HERC2: variants seen among roughly 807,000 people sequenced by gnomAD.
The protein encoded by HERC2 is HECT and RLD domain containing E3 ubiquitin protein ligase 2, also known as E3 ubiquitin-protein ligase HERC2.
A neutral mutation model predicts 537.7 loss-of-function variants in HERC2; 102 were observed. That is an observed-to-expected ratio of 0.19 (90% confidence interval 0.16 to 0.22). HERC2 has a LOEUF of 0.22. Among genes scored for constraint, HERC2 ranks in the 10% least tolerant of loss-of-function variants. The pLI, the probability that HERC2 is intolerant of heterozygous loss-of-function variation, is 1.00. For synonymous variants in HERC2, 2,224 were observed against 2,466.2 expected, an observed-to-expected ratio of 0.90 and a Z score of 2.91; for missense variants, 4,236 against 6,198.2, an observed-to-expected ratio of 0.68 and a Z score of 10.63.
chr15:28,248,273 C>G (rs1018028882), intron 21 of HERC2, among the ~76,000 whole-genome samples: 14 of 152,182 alleles, frequency 9.2e-5, no homozygotes, highest in Non-Finnish European at 1.0e-4. Flanking sequence ...GCACATGGAA[C>G]AAATCTGATA....
intron 73 of HERC2, 29 bp from the exon 74 acceptor site, chr15:28,144,020 A>G: frequency 6.2e-7 from 1 of 1,614,162 alleles, no homozygotes; most frequent in Non-Finnish European, 8.5e-7. Flanking sequence ...AAGTATCAGA[A>G]GTCTGATGGT....
chr15:28,141,317 T>G, intron 78 of HERC2, 115 bp downstream of exon 78: 2 of 785,550 alleles, frequency 2.5e-6, no homozygotes, highest in Non-Finnish European at 4.3e-6. Context: ...ACAGTATCAT[T>G]AATCCTGAGA....
In HERC2 at chr15:28,220,572, C is replaced by G. The variant is rs756439553; in HGVS notation, c.5725G>C (p.Asp1909His). ...GEDGWIRVQW[D>H]TGSTNSYRMG... ...CTGTAGGAGTTGGTGCTGCCTGTGT[C>G]CCACTGGACTCTTATCCATCCGTCC... Residue 1909 changes from aspartate to histidine, a missense_variant, in exon 37 of 93, where the codon GAC becomes CAC. By Grantham distance (81) the Asp-to-His change is moderately conservative. Coordinates refer to ENST00000261609, the MANE Select transcript of HERC2 (RefSeq NM_004667.6). 6.2e-6 allele frequency: 10 copies of G among 1,602,050 alleles called. No individual in the cohort carries two copies. In the South Asian group the frequency reaches 1.1e-4, roughly 18 times the overall value.
intron 20 of HERC2, among the ~76,000 whole-genome samples, chr15:28,252,281 T>G (rs1333923333): frequency 2.6e-5 from 4 of 151,864 alleles, no homozygotes; most frequent in Admixed American, 2.6e-4. Flanking sequence ...CAGGCCAGTC[T>G]CGGTGCACGG....
rs1347555324 is a variant in HERC2, at chr15:28,111,701, C to T, written c.*62G>A. On this transcript the variant is annotated 3_prime_UTR_variant, in exon 93 of 93. Transcript: ENST00000261609. ...GACACACCAGGCAGCCTACAGTCTA[C>T]ACAGCAGCGAGCGCTCTGCTGCCTG... is the stretch of plus-strand genomic sequence containing the variant. The T allele has an allele frequency of 2.6e-6, 4 of 1,560,732 alleles. No homozygotes were observed. Among genetic ancestry groups the T allele is most frequent in the South Asian group, 1.2e-5 (1 of 84,976 alleles).
In HERC2 at chr15:28,229,427, C is replaced by A. The variant is rs1276129089; in HGVS notation, c.5120+33G>T. The A allele has an allele frequency of 5.6e-6, 9 of 1,613,520 alleles. No homozygotes were observed. In the Admixed American group the frequency reaches 1.5e-4, roughly 27 times the overall value. ...AACAACATTTTGTTGCCATAGCTAC[C>A]TTAATTAAGAAAAAAATATGCTAAC... On this transcript the variant is annotated intron_variant, in intron 33 of 92. Transcript: ENST00000261609.
rs767979180 is a variant in HERC2 at position 28,169,612 on chromosome 15, T to G, written c.10101A>C (p.Ile3367=). Residue 3367 remains isoleucine (I), a synonymous_variant, in exon 66 of 93, where the codon ATA becomes ATC. Transcript: ENST00000261609. ...DADSSAASNK[I]SGASNSKPNR... ...TTGGCTTAGAATTACTTGCACCACT[T>G]ATTTTATTACTGGCAGCAGAAGAAT... 1 of 1,613,846 alleles carries G rather than the reference T, an allele frequency of 6.2e-7. No homozygotes were observed.
chr15:28,220,099 C>A (rs923945051), intron 37 of HERC2, among the ~76,000 whole-genome samples: 3 of 152,326 alleles, frequency 2.0e-5, no homozygotes, highest in Admixed American at 1.3e-4. Flanking sequence ...CAGGGCAATT[C>A]CACCAGGCCT....
Position 28,257,244 on chromosome 15 carries a change from T to C in HERC2, c.2334A>G (p.Ser778=), listed in dbSNP as rs61754659. The C allele has an allele frequency of 5.4e-4, 868 of 1,613,786 alleles. 1 individual carries two copies. The highest frequency in any genetic ancestry group is 6.8e-4 in the Non-Finnish European group (798 of 1,179,770). ...GGAGGCCAATGGACCACTCAGAACA[T>C]GATGACCAAGCAAAGCTCTAAGAGG... ...CGPAQSFAWS[S]CSEWSIGLRV... Residue 778 remains serine, a synonymous_variant, in exon 17 of 93, where the codon TCA becomes TCG. Transcript: ENST00000261609.
At chr15:28,115,977 C>A (rs901991624) in intron 88 of HERC2, among the ~76,000 whole-genome samples, 1 of 152,174 alleles carries the variant, frequency 6.6e-6, no homozygotes, top group Non-Finnish European at 1.5e-5. Flanking sequence ...CCACTCTGAT[C>A]CCAAGTCTCA....
At position 28,258,726 on chromosome 15, in the gene HERC2, T is replaced by C. The variant is rs574070430; in HGVS notation, c.2317-1465A>G. ...ACGCAAAACAAGCCAAAGGGACAAA[T>C]GACAAGACAAAAGCAGAAATCAATG... On this transcript the variant is annotated intron_variant, in intron 16 of 92. Transcript: ENST00000261609. 4.0e-5 allele frequency among the ~76,000 whole-genome samples: 6 copies of C among 151,114 alleles called. No homozygotes were observed. In the South Asian group the frequency reaches 8.4e-4, roughly 21 times the overall value.
At chr15:28,290,530 A>G (rs1300402920) in intron 4 of HERC2, among the ~76,000 whole-genome samples, 5 of 152,262 alleles carry the variant, frequency 3.3e-5, no homozygotes, top group African/African-American at 9.6e-5. Flanking sequence ...ACACACAGCT[A>G]CATTCTTATT....
chr15:28,232,346 T>C (rs1901961362), intron 30 of HERC2, among the ~76,000 whole-genome samples: 1 of 151,982 alleles, frequency 6.6e-6, no homozygotes, highest in Non-Finnish European at 1.5e-5. Context: ...ATCAAGACCA[T>C]CTTGGCCAAC....
chr15:28,228,500 G>C, intron 34 of HERC2, 91 bp from the exon 35 acceptor site: 2 of 1,191,164 alleles, frequency 1.7e-6, no homozygotes. Context: ...CTAAACATCT[G>C]ACTATTTTGA....
At chr15:28,185,379 G>A (rs1375053077) in intron 56 of HERC2, among the ~76,000 whole-genome samples, 2 of 152,106 alleles carry the variant, frequency 1.3e-5, no homozygotes, top group African/African-American at 4.8e-5. Flanking sequence ...GGAGGGCCCC[G>A]GTCACACTAG....
At chr15:28,134,858 A>T (rs944312239) in intron 79 of HERC2, among the ~76,000 whole-genome samples, 1 of 151,824 alleles carries the variant, frequency 6.6e-6, no homozygotes, top group Non-Finnish European at 1.5e-5. Context: ...TTTTTTGTAG[A>T]AATGGGGTTT....
intron 86 of HERC2, among the ~76,000 whole-genome samples, chr15:28,119,216 T>C (rs577347816): frequency 1.4e-3 from 218 of 151,866 alleles, no homozygotes; most frequent in African/African-American, 4.9e-3. Context: ...GCCAACATGG[T>C]GAAATTGTCT....
chr15:28,157,012 G>A (rs1265235746), intron 69 of HERC2, among the ~76,000 whole-genome samples: 1 of 152,272 alleles, frequency 6.6e-6, no homozygotes, highest in Non-Finnish European at 1.5e-5. Context: ...TAATCATGTG[G>A]TTTTTGACTT....
intron 83 of HERC2, among the ~76,000 whole-genome samples, chr15:28,127,292 C>G (rs901640330): frequency 6.6e-6 from 1 of 152,210 alleles, no homozygotes; most frequent in Non-Finnish European, 1.5e-5. Flanking sequence ...CACCCAGGTG[C>G]TAGCTCCGAG....
Sources: allele counts gnomAD v4.1 joint callset (sites outside exome capture counted in the v4.1 genomes callset), GRCh38; gene constraint gnomAD v4.1.1; transcripts MANE v1.5; gene names NCBI Gene and HGNC (gene_info 2026-07-23, HGNC 2026-07-21).